The following CISH variants were observed in gnomAD, a reference collection of about 807,000 sequenced individuals.
CISH encodes the protein cytokine inducible SH2 containing protein.
A neutral mutation model predicts 21.3 loss-of-function variants in CISH; 11 were observed. That is an observed-to-expected ratio of 0.52 (90% CI 0.32 to 0.85). The LOEUF (loss-of-function observed/expected upper bound fraction) is 0.85, where lower values mean the gene tolerates loss of function less well. CISH is among the 40% of genes least tolerant of loss of function. CISH has a pLI of 0.03. For missense variants in CISH, 280 were observed against 351.7 expected, an observed-to-expected ratio of 0.80 and a Z score of 1.63; for synonymous variants, 118 against 142.3, an observed-to-expected ratio of 0.83 and a Z score of 1.22.
chr3:50,611,624 C>T lies in CISH; in HGVS notation c.20+7G>A, dbSNP rs1157158333. Reference sequence around the variant, plus strand: ...TGGCCGGGAAGGGGGCAGAGAGCCGCGCTTACCCCTGAACGCAGAGGACCA... The same window carrying T: ...TGGCCGGGAAGGGGGCAGAGAGCCGTGCTTACCCCTGAACGCAGAGGACCA... On this transcript the variant is annotated splice_region_variant and intron_variant, in intron 1 of 2. Coordinates refer to ENST00000348721, the MANE Select transcript of CISH (RefSeq NM_145071.4). 6.6e-7 allele frequency: 1 copy of T among 1,520,368 alleles called. No homozygotes were observed. The highest frequency in any genetic ancestry group is 1.2e-5 in the South Asian group (1 of 81,364). The allele number at this position is 1,520,368 out of a possible 1,614,324, so 94.2% of individuals were successfully genotyped here.
At chr3:50,611,310 T>G in intron 1 of CISH, 1 of 1,293,494 alleles carries the variant, frequency 7.7e-7, no homozygotes, top group East Asian at 3.6e-5. Flanking sequence ...ATATCTGGGA[T>G]TGTTGGCCAC....
intron 1 of CISH, 42 bp downstream of exon 1, chr3:50,611,588 GC>G: frequency 6.6e-7 from 1 of 1,522,896 alleles, no homozygotes; most frequent in Non-Finnish European, 8.8e-7. Flanking sequence ...TCTCCCGTGC[GC>G]CCCTCGTGGT....
At chr3:50,610,544 G>A (rs1260829761) in intron 1 of CISH, 7 of 1,533,582 alleles carry the variant, frequency 4.6e-6, no homozygotes, top group Non-Finnish European at 6.2e-6. Context: ...GGTAAAAAGT[G>A]AAAGAGGCTA....
chr3:50,607,252 G>A lies in CISH; in HGVS notation c.*355C>T. On this transcript the variant is annotated 3_prime_UTR_variant, in exon 3 of 3. Transcript: ENST00000348721. ...CCAGTAGGGGTCCTACCCGACCCTG[G>A]GGATTGAAAAACCAGGGCTGAGAGT... 3.7e-6 allele frequency: 1 copy of A among 272,548 alleles called. No homozygotes were observed. Among genetic ancestry groups the A allele is most frequent in the Non-Finnish European group, 7.1e-6 (1 of 141,674 alleles). 16.9% of individuals were successfully genotyped at this position (272,548 alleles called of 1,614,324 possible).
At chr3:50,608,699 C>A in intron 1 of CISH, 106 bp from the exon 2 acceptor site, 1 of 735,186 alleles carries the variant, frequency 1.4e-6, no homozygotes, top group South Asian at 2.7e-5. Flanking sequence ...TGGCCCATCT[C>A]ACTATGAGCC....
Position 50,607,460 on chromosome 3 carries a change from C to A in CISH, c.*147G>T. The A allele has an allele frequency of 6.2e-6, 5 of 805,168 alleles. No homozygotes were observed. Among genetic ancestry groups the A allele is most frequent in the Non-Finnish European group, 9.8e-6 (5 of 511,218 alleles). The allele number at this position is 805,168 out of a possible 1,614,324, so 49.9% of individuals were successfully genotyped here. A position where few individuals can be genotyped will look rare whatever the true frequency, so the allele number is the denominator to read the frequency against. ...GACACCTCCCCTCTCCCATGCCTTG[C>A]TCTTGCTGGCTCTTCCTGGGCCAGC... is the stretch of plus-strand genomic sequence containing the variant. On this transcript the variant is annotated 3_prime_UTR_variant, in exon 3 of 3. Coordinates refer to ENST00000348721, the MANE Select transcript of CISH (RefSeq NM_145071.4).
chr3:50,610,040 C>G, intron 1 of CISH: 1 of 348,858 alleles, frequency 2.9e-6, no homozygotes, highest in Non-Finnish European at 5.4e-6. Flanking sequence ...TGACCACTCA[C>G]AGTGAGAAAG....
Position 50,608,003 on chromosome 3 carries a change from GGTGGGGCCACGA to G in CISH, c.369_380del (p.Arg124_Thr127del). 1 of 1,614,058 alleles carries G rather than the reference GGTGGGGCCACGA, an allele frequency of 6.2e-7. No homozygotes were observed. The highest frequency in any genetic ancestry group is 8.5e-7 in the Non-Finnish European group (1 of 1,180,014). ...AGTCGGCATACTCAATGCGTACATTGGTGGGGCCACGAGTGGTTTTCACTGACAGCGTGAACA... is the reference window on the plus strand; with the variant it reads ...AGTCGGCATACTCAATGCGTACATTGGTGGTTTTCACTGACAGCGTGAACA... On this transcript the variant is annotated inframe_deletion, in exon 3 of 3. Transcript: ENST00000348721.
In CISH at chr3:50,611,672, C is replaced by G. The variant is rs1241130555; in HGVS notation, c.-22G>C. 2.0e-6 allele frequency: 3 copies of G among 1,482,260 alleles called. No individual in the cohort carries two copies. The highest frequency in any genetic ancestry group is 1.8e-6 in the Non-Finnish European group (2 of 1,115,788). The allele number at this position is 1,482,260 out of a possible 1,614,324, so 91.8% of individuals were successfully genotyped here. ...CCATGTCCCCGCGGCAGCGGCGACT[C>G]CGGAGTGGGGACTCGGCTGGACGGC... On this transcript the variant is annotated 5_prime_UTR_variant, in exon 1 of 3. Transcript: ENST00000348721.
intron 1 of CISH, chr3:50,611,043 G>A (rs1481210017): frequency 1.0e-6 from 1 of 990,708 alleles, no homozygotes; most frequent in Non-Finnish European, 1.2e-6. Context: ...AGACTGGGCT[G>A]AGACAGGGTT....
At position 50,607,967 on chromosome 3, in the gene CISH, A is replaced by C. The variant is rs754803327; in HGVS notation, c.417T>G (p.Arg139=). ...GCCTGGACAAGCAGTTGGAGTCCAG[A>C]CGGAAGCTGGAGTCGGCATACTCAA... The part of the protein sequence containing the change: ...VRIEYADSSF[R]LDSNCLSRPR... Residue 139 remains arginine (R), a synonymous_variant, in exon 3 of 3, where the codon CGT becomes CGG. Coordinates refer to ENST00000348721, the MANE Select transcript of CISH (RefSeq NM_145071.4). The C allele has an allele frequency of 6.2e-7, 1 of 1,614,018 alleles. No homozygotes were observed. The highest frequency in any genetic ancestry group is 8.5e-7 in the Non-Finnish European group (1 of 1,180,018).
chr3:50,610,829 G>C (rs2032302254), intron 1 of CISH: 2 of 1,089,152 alleles, frequency 1.8e-6, no homozygotes, highest in Non-Finnish European at 2.2e-6. Context: ...AGCTTCCTGA[G>C]CTCCTGTCAC....
chr3:50,608,510 T>G lies in CISH; in HGVS notation c.104A>C (p.Gln35Pro). ...GAGGAAGGCCCCAGCAGGCAAGGGC[T>G]GCATGACTGGCTTGGGCAGTTCCAG... Reference protein sequence around the residue: ...PSLELPKPVMQPLPAGAFLEE... With the variant: ...PSLELPKPVMPPLPAGAFLEE... Residue 35 changes from glutamine (Q) to proline (P), a missense_variant, in exon 2 of 3, where the codon CAG (glutamine) becomes CCG (proline). Physicochemically the swap from Gln to Pro is moderately conservative, Grantham distance 76 (BLOSUM62 -1). Coordinates refer to ENST00000348721, the MANE Select transcript of CISH (RefSeq NM_145071.4). 1 of 1,611,112 alleles carries G rather than the reference T, an allele frequency of 6.2e-7. No individual in the cohort carries two copies. Among genetic ancestry groups the G allele is most frequent in the Non-Finnish European group, 8.5e-7 (1 of 1,178,728 alleles).
chr3:50,611,575 T>C (rs1479514680), intron 1 of CISH, 56 bp downstream of exon 1: 3 of 1,524,874 alleles, frequency 2.0e-6, no homozygotes, highest in Non-Finnish European at 2.6e-6. Flanking sequence ...ACGAAGCCCC[T>C]GTTCTCCCGT....
chr3:50,608,179 A>G, intron 2 of CISH, 37 bp from the exon 3 acceptor site: 1 of 1,570,934 alleles, frequency 6.4e-7, no homozygotes, highest in Non-Finnish European at 8.7e-7. Flanking sequence ...GACATAGTGG[A>G]AATTAGCTGG....
chr3:50,608,672 G>T, intron 1 of CISH, 79 bp from the exon 2 acceptor site: 1 of 1,066,914 alleles, frequency 9.4e-7, no homozygotes, highest in Non-Finnish European at 1.3e-6. Flanking sequence ...CCCCAGACTA[G>T]TTTCATGACC....
chr3:50,609,467 G>A (rs2032257969), intron 1 of CISH: 1 of 152,240 alleles, frequency 6.6e-6, no homozygotes, highest in Non-Finnish European at 1.5e-5. Flanking sequence ...GCACTGAGAG[G>A]TTCAGTAACA....
In CISH at chr3:50,607,127, T is replaced by C. The variant is rs377268877; in HGVS notation, c.*480A>G. 204 of 173,492 alleles carry C rather than the reference T, an allele frequency of 1.2e-3. 1 individual carries two copies. Among genetic ancestry groups the C allele is most frequent in the African/African-American group, 4.5e-3 (192 of 42,488 alleles). The allele number at this position is 173,492 out of a possible 1,614,324, so 10.7% of individuals were successfully genotyped here. A position where few individuals can be genotyped will look rare whatever the true frequency, so the allele number is the denominator to read the frequency against. On this transcript the variant is annotated 3_prime_UTR_variant, in exon 3 of 3. Transcript: ENST00000348721. ...TAAATAAATAAATAGTGTATAATTG[T>C]GCAGTCCCCTAGCCTGGCTTACCCC... is the stretch of plus-strand genomic sequence containing the variant.
At chr3:50,610,195 C>T (rs902384992) in intron 1 of CISH, 1 of 696,986 alleles carries the variant, frequency 1.4e-6, no homozygotes, top group African/African-American at 1.8e-5. Context: ...GAGCTACCTT[C>T]CCAGGAGCAT....
Sources: gnomAD v4.1 joint callset for allele counts on GRCh38, gnomAD v4.1.1 for gene constraint, MANE v1.5 for transcripts, NCBI Gene and HGNC (gene_info 2026-07-23, HGNC 2026-07-21) for gene names.